Variants in PPARGC1A observed in about 807,000 individuals in gnomAD.
The protein encoded by PPARGC1A is PPARG coactivator 1 alpha.
PPARGC1A carries 25 observed loss-of-function variants against 88.7 expected under a neutral mutation model. The observed-to-expected ratio is 0.28, with a 90% CI of 0.21 to 0.39. The LOEUF is 0.39. PPARGC1A is among the 10% of genes least tolerant of loss of function. The pLI is 1.00. For missense variants in PPARGC1A, 880 were observed against 968.7 expected, an observed-to-expected ratio of 0.91 and a Z score of 1.22; for synonymous variants, 363 against 355.6, an observed-to-expected ratio of 1.02 and a Z score of -0.24.
At chr4:23,896,807 C>T (rs4568225) in intron 1 of PPARGC1A, among the ~76,000 whole-genome samples, 32,928 of 152,016 alleles carry the variant, frequency 0.22, 4,734 homozygotes, top group Non-Finnish European at 0.32. Flanking sequence ...AGAGGGTCTA[C>T]CAACTAACTG....
chr4:24,306,892 T>G, the PPARGC1A span, among the ~76,000 whole-genome samples: 3 of 152,228 alleles, frequency 2.0e-5, no homozygotes, highest in Non-Finnish European at 4.4e-5. Flanking sequence ...CTTGCTAACA[T>G]TTCAAACAAA....
the PPARGC1A span, among the ~76,000 whole-genome samples, chr4:24,133,188 G>T: frequency 6.6e-6 from 1 of 152,046 alleles, no homozygotes; most frequent in East Asian, 1.9e-4. Context: ...TTTCCCCCCT[G>T]GGGGGTGGTG....
In PPARGC1A at chr4:23,846,829, G is replaced by T. The variant is rs142200080; in HGVS notation, c.235-15078C>A. Among the ~76,000 whole-genome samples the T allele has an allele frequency of 6.9e-4, 105 of 152,142 alleles. 1 individual carries two copies. In the East Asian group the frequency reaches 0.017, roughly 25 times the overall value. On this transcript the variant is annotated intron_variant, in intron 2 of 12. Coordinates refer to ENST00000264867, the MANE Select transcript of PPARGC1A (RefSeq NM_013261.5). ...TGTGAGAAATAAATGAAAGGAAAAAGCAATAAGAACTCTATTTGTATTTAT... is the reference window on the plus strand; with the variant it reads ...TGTGAGAAATAAATGAAAGGAAAAATCAATAAGAACTCTATTTGTATTTAT...
At chr4:24,299,303 A>G in the PPARGC1A span, among the ~76,000 whole-genome samples, 2 of 152,312 alleles carry the variant, frequency 1.3e-5, no homozygotes, top group Admixed American at 6.5e-5. Flanking sequence ...GCTATTAAAA[A>G]TTATTCACTA....
the PPARGC1A span, among the ~76,000 whole-genome samples, chr4:24,353,761 C>G: frequency 6.6e-6 from 1 of 152,144 alleles, no homozygotes; most frequent in African/African-American, 2.4e-5. Flanking sequence ...TTCTAGCAAC[C>G]CAGTACCACA....
At chr4:24,435,348 A>T in the PPARGC1A span, among the ~76,000 whole-genome samples, 1 of 152,132 alleles carries the variant, frequency 6.6e-6, no homozygotes, top group Non-Finnish European at 1.5e-5. Flanking sequence ...TTGCACTGGC[A>T]TTTGCTCACT....
the PPARGC1A span, among the ~76,000 whole-genome samples, chr4:24,226,139 G>A: frequency 1.3e-5 from 2 of 152,004 alleles, no homozygotes; most frequent in Admixed American, 6.6e-5. Context: ...TGACTCTGCC[G>A]CCGCCTGACA....
the PPARGC1A span, among the ~76,000 whole-genome samples, chr4:23,933,267 C>A: frequency 6.6e-6 from 1 of 152,218 alleles, no homozygotes; most frequent in Non-Finnish European, 1.5e-5. Flanking sequence ...CTCCCTAAAG[C>A]TCACCACCTT....
At chr4:24,016,849 A>T in the PPARGC1A span, among the ~76,000 whole-genome samples, 1 of 152,166 alleles carries the variant, frequency 6.6e-6, no homozygotes, top group East Asian at 1.9e-4. Context: ...CTCAAATGAC[A>T]TTAGGAGCTG....
the PPARGC1A span, among the ~76,000 whole-genome samples, chr4:24,083,757 A>G: frequency 0.026 from 3,952 of 152,246 alleles, 159 homozygotes; most frequent in African/African-American, 0.089. Context: ...TTCTGCTACT[A>G]TAGCACTAAA....
chr4:24,190,935 G>T, the PPARGC1A span, among the ~76,000 whole-genome samples: 10 of 108,018 alleles, frequency 9.3e-5, no homozygotes, highest in East Asian at 3.3e-4. Context: ...GAGAAAGAAG[G>T]CTCCTGCAGG....
chr4:24,410,779 A>C, the PPARGC1A span, among the ~76,000 whole-genome samples: 2 of 151,954 alleles, frequency 1.3e-5, no homozygotes, highest in African/African-American at 4.8e-5. Flanking sequence ...CGAACATCAG[A>C]CTCCAAGTTC....
the PPARGC1A span, among the ~76,000 whole-genome samples, chr4:24,045,590 A>G: frequency 6.6e-6 from 1 of 152,060 alleles, no homozygotes; most frequent in African/African-American, 2.4e-5. Context: ...ACATCACTTC[A>G]ATCTCTGCCT....
chr4:23,851,620 T>C (rs770697679), intron 2 of PPARGC1A, among the ~76,000 whole-genome samples: 3 of 151,874 alleles, frequency 2.0e-5, no homozygotes. Context: ...ATAACCTGTG[T>C]TGAGTCTTGT....
the PPARGC1A span, among the ~76,000 whole-genome samples, chr4:23,947,493 G>A: frequency 6.6e-6 from 1 of 150,958 alleles, no homozygotes; most frequent in Non-Finnish European, 1.5e-5. Flanking sequence ...GATTTGAACT[G>A]GGCAGTGTAA....
At chr4:24,324,689 T>A in the PPARGC1A span, among the ~76,000 whole-genome samples, 1 of 152,106 alleles carries the variant, frequency 6.6e-6, no homozygotes, top group Non-Finnish European at 1.5e-5. Flanking sequence ...TTTAAATAAT[T>A]CTTGTCGTAA....
At chr4:23,997,612 C>T in the PPARGC1A span, among the ~76,000 whole-genome samples, 1 of 146,300 alleles carries the variant, frequency 6.8e-6, no homozygotes, top group Non-Finnish European at 1.5e-5. Flanking sequence ...AAGCATTTCT[C>T]GTGCTCAGCC....
chr4:24,418,510 A>C, the PPARGC1A span, among the ~76,000 whole-genome samples: 3 of 152,018 alleles, frequency 2.0e-5, no homozygotes, highest in African/African-American at 7.3e-5. Context: ...TTCCATTATC[A>C]AGTCATTTTC....
the PPARGC1A span, among the ~76,000 whole-genome samples, chr4:24,123,986 T>C: frequency 2.0e-5 from 3 of 149,352 alleles, no homozygotes; most frequent in Admixed American, 6.7e-5. Context: ...GGAGCAAAAG[T>C]ATTGAGATTG....
Sources: gnomAD v4.1 joint callset for allele counts (sites outside exome capture counted in the v4.1 genomes callset) on GRCh38, gnomAD v4.1.1 for gene constraint, MANE v1.5 for transcripts, NCBI Gene and HGNC (gene_info 2026-07-23, HGNC 2026-07-21) for gene names.